The following ETFB variants were observed in gnomAD, a reference collection of about 807,000 sequenced individuals.
ETFB encodes the protein electron transfer flavoprotein subunit beta, also known as beta-ETF.
A neutral mutation model predicts 25.6 loss-of-function variants in ETFB; 20 were observed. That is an observed-to-expected ratio of 0.78 (90% CI 0.55 to 1.14). ETFB has a LOEUF of 1.14. Among genes scored for constraint, ETFB ranks in the 50% most tolerant of loss-of-function variants. The pLI is 0.00. For synonymous variants in ETFB, 142 were observed against 146.7 expected (o/e 0.97, Z 0.23); for missense variants, 286 against 342.6 (o/e 0.83, Z 1.30).
At chr19:51,347,276 T>G (rs1416552859) in intron 4 of ETFB, 2 of 575,124 alleles carry the variant, frequency 3.5e-6, no homozygotes, top group Non-Finnish European at 6.3e-6. Context: ...ATGTCCCATG[T>G]CCTGATGCTG....
At position 51,347,163 on chromosome 19, in the gene ETFB, A is replaced by AT. The variant is rs1371595812; in HGVS notation, c.439-106dup. 5 of 1,165,228 alleles carry AT rather than the reference A, an allele frequency of 4.3e-6. No individual in the cohort carries two copies. In the East Asian group the frequency reaches 9.6e-5, roughly 22 times the overall value. 72.2% of individuals were successfully genotyped at this position (1,165,228 alleles called of 1,614,324 possible). A position where few individuals can be genotyped will look rare whatever the true frequency, so the allele number is the denominator to read the frequency against. On this transcript the variant is annotated intron_variant, in intron 4 of 5. Coordinates refer to ENST00000309244, the MANE Select transcript of ETFB (RefSeq NM_001985.3). ...AGTACACGCATGGACTAGTGAATGA[A>AT]TGAGGGAGCGAACAATGCAGGGTCC...
At chr19:51,360,480 T>C (rs547378862) in intron 1 of ETFB, among the ~76,000 whole-genome samples, 5 of 152,300 alleles carry the variant, frequency 3.3e-5, no homozygotes, top group South Asian at 2.1e-4. Context: ...AAGGGTTTTA[T>C]ATGCATTAAC....
chr19:51,364,639 AG>A (rs1165991937), intron 1 of ETFB, among the ~76,000 whole-genome samples: 1 of 152,246 alleles, frequency 6.6e-6, no homozygotes, highest in Non-Finnish European at 1.5e-5. Context: ...AAGATGTGAC[AG>A]TAACGAACAG....
At chr19:51,352,931 G>A (rs1985964303) in intron 3 of ETFB, among the ~76,000 whole-genome samples, 2 of 152,158 alleles carry the variant, frequency 1.3e-5, no homozygotes, top group South Asian at 4.1e-4. Flanking sequence ...CCTGGCCCAA[G>A]AGGATCTTTC....
intron 1 of ETFB, among the ~76,000 whole-genome samples, chr19:51,358,358 G>A (rs1197450497): frequency 6.6e-6 from 1 of 152,162 alleles, no homozygotes; most frequent in Non-Finnish European, 1.5e-5. Flanking sequence ...CTCATGGAGA[G>A]GGTAACATTA....
intron 3 of ETFB, among the ~76,000 whole-genome samples, chr19:51,352,561 T>C (rs10402844): frequency 0.86 from 130,637 of 151,860 alleles, 57,066 homozygotes; most frequent in African/African-American, 0.94. Flanking sequence ...TTCTCCCCCA[T>C]GTGACCATCA....
At chr19:51,360,666 A>G (rs1986198121) in intron 1 of ETFB, among the ~76,000 whole-genome samples, 1 of 152,230 alleles carries the variant, frequency 6.6e-6, no homozygotes, top group African/African-American at 2.4e-5. Flanking sequence ...AGACTCTGAA[A>G]GAGGCTACGT....
intron 1 of ETFB, chr19:51,355,239 T>C (rs536575482): frequency 1.3e-5 from 2 of 152,412 alleles, no homozygotes; most frequent in Non-Finnish European, 2.9e-5. Context: ...CTCAAACAAA[T>C]GTACAAGAAA....
At chr19:51,350,129 G>T in intron 4 of ETFB, 200 bp downstream of exon 4, 1 of 578,620 alleles carries the variant, frequency 1.7e-6, no homozygotes, top group African/African-American at 1.9e-5. Context: ...AGTATTTCAC[G>T]TAGGATGGCA....
chr19:51,362,204 C>CACACACAT lies in ETFB; in HGVS notation c.57+4065_57+4066insATGTGTGT, dbSNP rs60638050. ...ACACACACACACACACACACACACA[C>CACACACAT]GAATACACTCTGAGCACAGCATTTG... On this transcript the variant is annotated intron_variant, in intron 1 of 5. Transcript: ENST00000309244. Among the ~76,000 whole-genome samples the CACACACAT allele has an allele frequency of 1.3e-4, 19 of 146,380 alleles. No individual in the cohort carries two copies. In the South Asian group the frequency reaches 1.8e-3, roughly 14 times the overall value.
intron 3 of ETFB, among the ~76,000 whole-genome samples, chr19:51,352,916 C>A (rs1985963722): frequency 6.6e-6 from 1 of 152,226 alleles, no homozygotes; most frequent in Admixed American, 6.5e-5. Context: ...GCGTAAACCA[C>A]CGTGCCTGGC....
intron 4 of ETFB, chr19:51,347,656 T>A (rs1478173925): frequency 6.5e-6 from 1 of 153,898 alleles, no homozygotes; most frequent in African/African-American, 2.4e-5. Context: ...CCCTGGTAAC[T>A]GATGCCACCT....
intron 1 of ETFB, among the ~76,000 whole-genome samples, chr19:51,357,275 T>C (rs958528137): frequency 6.6e-5 from 10 of 151,268 alleles, no homozygotes; most frequent in Non-Finnish European, 1.3e-4. Context: ...GGTTTCACCA[T>C]GTTGGCCAGG....
intron 1 of ETFB, among the ~76,000 whole-genome samples, chr19:51,357,624 T>G (rs1183585805): frequency 6.6e-6 from 1 of 150,868 alleles, no homozygotes; most frequent in Non-Finnish European, 1.5e-5. Flanking sequence ...TGAGTAGCTG[T>G]GATTACAGGT....
chr19:51,364,247 G>C (rs1210952999), intron 1 of ETFB, among the ~76,000 whole-genome samples: 1 of 152,070 alleles, frequency 6.6e-6, no homozygotes, highest in East Asian at 1.9e-4. Flanking sequence ...AAGAGGGTGG[G>C]ACAGTACCCA....
At chr19:51,348,843 A>G (rs1007248582) in intron 4 of ETFB, among the ~76,000 whole-genome samples, 4 of 152,216 alleles carry the variant, frequency 2.6e-5, no homozygotes, top group African/African-American at 9.6e-5. Flanking sequence ...TGTGTTTCTC[A>G]TAGAAATTTA....
intron 1 of ETFB, chr19:51,357,075 T>TC (rs916052992): frequency 1.3e-5 from 2 of 150,914 alleles, no homozygotes; most frequent in East Asian, 1.9e-4. Flanking sequence ...GTTTCTAATT[T>TC]CTTTTTTTTT....
rs544625614 is a variant in ETFB at position 51,356,163 on chromosome 19, C to T, written c.58-1855G>A. 4.0e-5 allele frequency: 6 copies of T among 151,800 alleles called. No homozygotes were observed. In the South Asian group the frequency reaches 1.0e-3, roughly 26 times the overall value. The allele number at this position is 151,800 out of a possible 1,614,324, so 9.4% of individuals were successfully genotyped here. A position where few individuals can be genotyped will look rare whatever the true frequency, so the allele number is the denominator to read the frequency against. The stretch of plus-strand genomic sequence containing the variant: ...GGAATCAACTGTAAAAATGGCAACC[C>T]GCTTGGGCTTCCCTCTCCTCTGTGG... On this transcript the variant is annotated intron_variant, in intron 1 of 5. Transcript: ENST00000309244.
intron 1 of ETFB, among the ~76,000 whole-genome samples, chr19:51,358,665 C>T (rs1457415652): frequency 2.0e-5 from 3 of 152,120 alleles, no homozygotes; most frequent in African/African-American, 2.4e-5. Flanking sequence ...AAAAATTAGC[C>T]GGGCATGGTA....
Sources: allele counts gnomAD v4.1 joint callset (sites outside exome capture counted in the v4.1 genomes callset), GRCh38; gene constraint gnomAD v4.1.1; transcripts MANE v1.5; gene names NCBI Gene and HGNC (gene_info 2026-07-23, HGNC 2026-07-21).